The following RBFOX1 variants were observed in gnomAD, a reference collection of about 807,000 sequenced individuals.
RBFOX1 encodes the protein RNA binding fox-1 homolog 1.
RBFOX1 carries 8 observed loss-of-function variants against 57.7 expected under a neutral mutation model. The ratio of observed to expected loss-of-function variants is 0.14; its 90% CI spans 0.08 to 0.25. The LOEUF is 0.25. Ranked by LOEUF, RBFOX1 falls within the 10% of genes least tolerant of loss-of-function variation. RBFOX1 has a pLI of 1.00. For missense variants in RBFOX1, 611 were observed against 548.5 expected, an observed-to-expected ratio of 1.11 and a Z score of -1.14; for synonymous variants, 326 against 222.4, an observed-to-expected ratio of 1.47 and a Z score of -4.15.
chr16:5,837,252 GT>G (rs112626364), intron 3 of RBFOX1, among the ~76,000 whole-genome samples: 4,730 of 145,160 alleles, frequency 0.033, 118 homozygotes, highest in Non-Finnish European at 0.047. Flanking sequence ...ACTTTTCTCA[GT>G]TTTTTTTTTT....
At chr16:6,446,568 G>A (rs1372260890) in intron 2 of RBFOX1, among the ~76,000 whole-genome samples, 4 of 152,118 alleles carry the variant, frequency 2.6e-5, no homozygotes, top group African/African-American at 9.7e-5. Flanking sequence ...TGGGACCCTA[G>A]GGGGCAGTGC....
chr16:7,498,392 G>A (rs948866748), intron 4 of RBFOX1, among the ~76,000 whole-genome samples: 1 of 151,962 alleles, frequency 6.6e-6, no homozygotes, highest in Non-Finnish European at 1.5e-5. Flanking sequence ...AGTATAGCTA[G>A]CATTGTCCAA....
At chr16:5,685,075 G>C (rs2050464116) in intron 3 of RBFOX1, among the ~76,000 whole-genome samples, 1 of 152,090 alleles carries the variant, frequency 6.6e-6, no homozygotes, top group Non-Finnish European at 1.5e-5. Flanking sequence ...GAGATGAATT[G>C]GTCTCATAAG....
At chr16:7,286,712 C>T (rs186304373) in intron 4 of RBFOX1, among the ~76,000 whole-genome samples, 11 of 150,764 alleles carry the variant, frequency 7.3e-5, no homozygotes, top group African/African-American at 2.7e-4. Context: ...CAAGCTCCGC[C>T]TCCTGGGTAC....
intron 1 of RBFOX1, among the ~76,000 whole-genome samples, chr16:6,242,760 A>G (rs2097546783): frequency 6.6e-6 from 1 of 151,998 alleles, no homozygotes; most frequent in East Asian, 1.9e-4. Context: ...AGGTTAAGTA[A>G]TTTGCCAGAA....
rs28645501 is a variant in RBFOX1 at position 7,117,801 on chromosome 16, A to G, written c.27+65703A>G. ...GGGTATCAGCCAGGACTGGGTTCTC[A>G]TTAGAGACTCATCTCGAACAGGATC... On this transcript the variant is annotated intron_variant, in intron 4 of 15. Coordinates refer to ENST00000550418, the MANE Select transcript of RBFOX1 (RefSeq NM_018723.4). 5.9e-3 allele frequency among the ~76,000 whole-genome samples: 902 copies of G among 152,272 alleles called. 17 individuals carry two copies. The highest frequency in any genetic ancestry group is 0.02 in the African/African-American group (850 of 41,552).
At chr16:5,263,967 T>A (rs967761131) in intron 1 of RBFOX1, among the ~76,000 whole-genome samples, 1 of 152,148 alleles carries the variant, frequency 6.6e-6, no homozygotes, top group African/African-American at 2.4e-5. Flanking sequence ...CAGCAGCCCT[T>A]GGGCAGTTGC....
intron 3 of RBFOX1, among the ~76,000 whole-genome samples, chr16:5,643,271 T>G (rs1329515519): frequency 4.6e-5 from 7 of 152,180 alleles, no homozygotes; most frequent in Non-Finnish European, 8.8e-5. Context: ...TTTGTAAAAA[T>G]GATGTGGCTT....
At chr16:7,513,847 G>A (rs1323981934) in intron 4 of RBFOX1, among the ~76,000 whole-genome samples, 1 of 152,174 alleles carries the variant, frequency 6.6e-6, no homozygotes, top group African/African-American at 2.4e-5. Flanking sequence ...GTGCCTGTGA[G>A]TTTACAGGTC....
chr16:5,574,599 G>C (rs1467741172), intron 2 of RBFOX1, among the ~76,000 whole-genome samples: 2 of 151,760 alleles, frequency 1.3e-5, no homozygotes, highest in Non-Finnish European at 1.5e-5. Flanking sequence ...TTGTTTGTTT[G>C]TTTGTATTTT....
chr16:6,918,552 CA>C (rs2073770662), intron 3 of RBFOX1, among the ~76,000 whole-genome samples: 1 of 152,206 alleles, frequency 6.6e-6, no homozygotes, highest in East Asian at 1.9e-4. Flanking sequence ...TCCTGATATC[CA>C]GAGGCATCAT....
chr16:6,473,356 T>G (rs1382780421), intron 2 of RBFOX1, among the ~76,000 whole-genome samples: 1 of 151,836 alleles, frequency 6.6e-6, no homozygotes, highest in East Asian at 1.9e-4. Flanking sequence ...AAGAAAGGAG[T>G]CAGTTCATGC....
intron 14 of RBFOX1, among the ~76,000 whole-genome samples, chr16:7,697,541 C>T (rs1158314379): frequency 1.3e-5 from 2 of 152,012 alleles, no homozygotes; most frequent in Non-Finnish European, 2.9e-5. Context: ...ATAATGCATG[C>T]ATATGTATGA....
intron 4 of RBFOX1, among the ~76,000 whole-genome samples, chr16:6,009,179 G>T (rs992106218): frequency 3.3e-5 from 5 of 151,124 alleles, no homozygotes; most frequent in Non-Finnish European, 5.9e-5. Context: ...TTCTTCAACA[G>T]TGATTCCAGG....
At chr16:6,606,009 T>G (rs2097920161) in intron 2 of RBFOX1, among the ~76,000 whole-genome samples, 2 of 151,920 alleles carry the variant, frequency 1.3e-5, no homozygotes, top group Admixed American at 6.6e-5. Context: ...CTTGGGAGAC[T>G]GAGGCAGGAG....
rs74006923 is a variant in RBFOX1 at position 6,188,805 on chromosome 16, A to C, written c.-126-128190A>C. Among the ~76,000 whole-genome samples the C allele has an allele frequency of 7.2e-3, 1,095 of 152,300 alleles. 7 individuals are homozygous for C. Among genetic ancestry groups the C allele is most frequent in the African/African-American group, 0.025 (1,038 of 41,552 alleles). ...AATGTCCCAAACCTTCCTACCGCTG[A>C]TACTTTGAAGCACATACAGTTCATT... On this transcript the variant is annotated intron_variant, in intron 1 of 15. Transcript: ENST00000550418.
chr16:6,549,735 G>A (rs1218124116), intron 2 of RBFOX1, among the ~76,000 whole-genome samples: 1 of 152,066 alleles, frequency 6.6e-6, no homozygotes, highest in African/African-American at 2.4e-5. Context: ...TACAGAGTAA[G>A]GTAAGAATGA....
At chr16:6,338,898 AG>A (rs1183471421) in intron 2 of RBFOX1, among the ~76,000 whole-genome samples, 1 of 152,218 alleles carries the variant, frequency 6.6e-6, no homozygotes, top group African/African-American at 2.4e-5. Flanking sequence ...GAATTAGTCA[AG>A]AACTCATTCT....
At chr16:7,183,989 A>T (rs113528207) in intron 4 of RBFOX1, among the ~76,000 whole-genome samples, 1 of 152,178 alleles carries the variant, frequency 6.6e-6, no homozygotes, top group African/African-American at 2.4e-5. Flanking sequence ...CTGAAATAGG[A>T]TGATGTGAAC....
Sources: gnomAD v4.1 joint callset for allele counts (sites outside exome capture counted in the v4.1 genomes callset) on GRCh38, gnomAD v4.1.1 for gene constraint, MANE v1.5 for transcripts, NCBI Gene and HGNC (gene_info 2026-07-23, HGNC 2026-07-21) for gene names.